Variants in ELOVL6 observed in about 807,000 individuals in gnomAD.
ELOVL6 encodes the protein ELOVL fatty acid elongase 6.
ELOVL6 carries 8 observed loss-of-function variants against 31.7 expected under a neutral mutation model. The observed-to-expected ratio is 0.25, with a 90% CI of 0.15 to 0.45. The LOEUF (loss-of-function observed/expected upper bound fraction) is 0.45, where lower values mean the gene tolerates loss of function less well. ELOVL6 is among the 20% of genes least tolerant of loss of function. ELOVL6 has a pLI of 1.00. For missense variants in ELOVL6, 126 were observed against 326.4 expected, an observed-to-expected ratio of 0.39 and a Z score of 4.73; for synonymous variants, 101 against 117.7, an observed-to-expected ratio of 0.86 and a Z score of 0.92.
chr4:110,106,249 T>C (rs12648757), intron 1 of ELOVL6, among the ~76,000 whole-genome samples: 73,329 of 151,892 alleles, frequency 0.48, 19,795 homozygotes, highest in East Asian at 0.82. Context: ...CTTAGCTACT[T>C]GGGAGGCTGA....
chr4:110,092,362 A>G (rs949051061), intron 2 of ELOVL6, among the ~76,000 whole-genome samples: 1 of 152,226 alleles, frequency 6.6e-6, no homozygotes, highest in Non-Finnish European at 1.5e-5. Context: ...AGAGGCCTGT[A>G]AGAAGTTTCA....
intron 1 of ELOVL6, among the ~76,000 whole-genome samples, chr4:110,176,322 C>T (rs1303427189): frequency 1.3e-5 from 2 of 151,996 alleles, no homozygotes; most frequent in South Asian, 2.1e-4. Context: ...ACCATCACAC[C>T]TGGATAATTT....
At chr4:110,199,176 A>G (rs1376167166), upstream of ELOVL6, 45 of 151,738 alleles carry the variant, frequency 3.0e-4, no homozygotes, top group Admixed American at 3.0e-3. Flanking sequence ...TGGATAGGCG[A>G]GAGAGGCTAG....
At chr4:110,066,449 A>G (rs112919091) in intron 2 of ELOVL6, among the ~76,000 whole-genome samples, 39,464 of 151,094 alleles carry the variant, frequency 0.26, 7,447 homozygotes, top group African/African-American at 0.54. Context: ...ATCCTGGCTA[A>G]CACGGTGAAA....
intron 1 of ELOVL6, among the ~76,000 whole-genome samples, chr4:110,158,347 T>C (rs1445116072): frequency 2.0e-5 from 3 of 152,028 alleles, no homozygotes; most frequent in African/African-American, 7.2e-5. Context: ...CATTTTTAAC[T>C]AAACATCATG....
chr4:110,123,192 T>C (rs144006029), intron 1 of ELOVL6, among the ~76,000 whole-genome samples: 78 of 152,340 alleles, frequency 5.1e-4, no homozygotes, highest in African/African-American at 1.8e-3. Flanking sequence ...GAAGACTAAA[T>C]AGAATAACTG....
At chr4:110,188,455 C>T (rs1034378413) in intron 1 of ELOVL6, among the ~76,000 whole-genome samples, 3 of 152,074 alleles carry the variant, frequency 2.0e-5, no homozygotes, top group Non-Finnish European at 2.9e-5. Flanking sequence ...ATCATCACAC[C>T]AGCCATCCAA....
chr4:110,149,689 G>GT (rs1275402456), intron 1 of ELOVL6, among the ~76,000 whole-genome samples: 5 of 152,314 alleles, frequency 3.3e-5, no homozygotes, highest in Admixed American at 3.3e-4. Flanking sequence ...TGGATGCAAT[G>GT]AAGGCCTGAC....
chr4:110,117,231 C>T (rs557823405), intron 1 of ELOVL6, among the ~76,000 whole-genome samples: 1 of 152,222 alleles, frequency 6.6e-6, no homozygotes, highest in Admixed American at 6.5e-5. Flanking sequence ...CCCAAAAATG[C>T]CAATAGTGCT....
intron 2 of ELOVL6, among the ~76,000 whole-genome samples, chr4:110,099,489 G>A (rs1756681768): frequency 6.6e-6 from 1 of 152,122 alleles, no homozygotes; most frequent in South Asian, 2.1e-4. Flanking sequence ...TAGAACATCT[G>A]GATTTGTGCA....
intron 1 of ELOVL6, among the ~76,000 whole-genome samples, chr4:110,139,177 G>A (rs750655705): frequency 1.1e-4 from 17 of 151,958 alleles, no homozygotes; most frequent in African/African-American, 1.7e-4. Flanking sequence ...AAATGAAAAC[G>A]TTTTTCTTCT....
chr4:110,179,720 T>C (rs988824368), intron 1 of ELOVL6, among the ~76,000 whole-genome samples: 1 of 152,190 alleles, frequency 6.6e-6, no homozygotes, highest in Non-Finnish European at 1.5e-5. Context: ...AGATATTGCA[T>C]ATAAACAAGA....
chr4:110,151,444 G>A (rs576271601), intron 1 of ELOVL6, among the ~76,000 whole-genome samples: 1 of 152,190 alleles, frequency 6.6e-6, no homozygotes, highest in South Asian at 2.1e-4. Flanking sequence ...TGTCATGTTA[G>A]CACTCAAAAA....
chr4:110,161,674 A>G (rs1379385344), intron 1 of ELOVL6, among the ~76,000 whole-genome samples: 1 of 152,214 alleles, frequency 6.6e-6, no homozygotes, highest in Non-Finnish European at 1.5e-5. Context: ...AGGCTTCAAC[A>G]GGTCTTACAG....
At chr4:110,168,521 A>C (rs1758846422) in intron 1 of ELOVL6, among the ~76,000 whole-genome samples, 1 of 152,062 alleles carries the variant, frequency 6.6e-6, no homozygotes, top group African/African-American at 2.4e-5. Context: ...TGTCTAAAAA[A>C]GAAAAAAAAA....
In ELOVL6 at chr4:110,095,480, T is replaced by TAA. The variant is rs11396794; in HGVS notation, c.221+10015_221+10016dup. ...CTGGGTGAAAGGGCGAAACTGTCTT[T>TAA]AAAAAAAAAAAAAAAAAAGGCATGA... is the stretch of plus-strand genomic sequence containing the variant. On this transcript the variant is annotated intron_variant, in intron 2 of 3. Transcript: ENST00000302274. 4.2e-3 allele frequency among the ~76,000 whole-genome samples: 546 copies of TAA among 129,048 alleles called. 4 individuals carry two copies. Among genetic ancestry groups the TAA allele is most frequent in the African/African-American group, 0.013 (445 of 34,542 alleles). The allele number at this position is 129,048 out of a possible 152,430, so 84.7% of individuals were successfully genotyped here. A position where few individuals can be genotyped will look rare whatever the true frequency, so the allele number is the denominator to read the frequency against.
In ELOVL6 at chr4:110,050,155, A is replaced by G. The variant is rs1309306782; in HGVS notation, c.*1183T>C. On this transcript the variant is annotated 3_prime_UTR_variant, in exon 4 of 4. Coordinates refer to ENST00000302274, the MANE Select transcript of ELOVL6 (RefSeq NM_024090.3). ...CAGAGGGCCCTTTAAACACCTCTAC[A>G]TTGCTTGGGGAGCAAATGCAGATGA... is the stretch of plus-strand genomic sequence containing the variant. 6.6e-6 allele frequency: 1 copy of G among 152,564 alleles called. No homozygotes were observed. The highest frequency in any genetic ancestry group is 1.9e-4 in the East Asian group (1 of 5,188). 9.5% of individuals were successfully genotyped at this position (152,564 alleles called of 1,614,324 possible).
chr4:110,125,347 T>G (rs1757463061), intron 1 of ELOVL6, among the ~76,000 whole-genome samples: 1 of 152,160 alleles, frequency 6.6e-6, no homozygotes. Context: ...TAAACACTTT[T>G]TTAAAAAGTC....
chr4:110,093,303 T>C (rs1756476948), intron 2 of ELOVL6, among the ~76,000 whole-genome samples: 1 of 152,206 alleles, frequency 6.6e-6, no homozygotes, highest in Non-Finnish European at 1.5e-5. Context: ...AAAAAGTCTA[T>C]GTATGTGATT....
Sources: allele counts gnomAD v4.1 joint callset (sites outside exome capture counted in the v4.1 genomes callset), GRCh38; gene constraint gnomAD v4.1.1; transcripts MANE v1.5; gene names NCBI Gene and HGNC (gene_info 2026-07-23, HGNC 2026-07-21).